Variants in VPS13B observed in about 807,000 individuals in gnomAD.
The protein encoded by VPS13B is intermembrane lipid transfer protein VPS13B.
In VPS13B, 285 loss-of-function variants were observed where a neutral mutation model predicts 426.4. That is an observed-to-expected ratio of 0.67 (90% confidence interval 0.61 to 0.74). VPS13B has a LOEUF of 0.74. VPS13B is among the 30% of genes least tolerant of loss of function. VPS13B has a pLI of 0.00. For missense variants in VPS13B, 4,537 were observed against 4,782.6 expected, an observed-to-expected ratio of 0.95 and a Z score of 1.51; for synonymous variants, 1,676 against 1,676.4, an observed-to-expected ratio of 1.00 and a Z score of 0.01.
At chr8:99,300,178 G>A (rs1404944536) in intron 19 of VPS13B, among the ~76,000 whole-genome samples, 4 of 152,084 alleles carry the variant, frequency 2.6e-5, no homozygotes. Flanking sequence ...TACACCAGGG[G>A]TGAGCACAAC....
chr8:99,501,049 A>G (rs1258354017), intron 25 of VPS13B, among the ~76,000 whole-genome samples: 2 of 152,184 alleles, frequency 1.3e-5, no homozygotes, highest in African/African-American at 4.8e-5. Context: ...ACCATATAAG[A>G]CACTTAAAAA....
At chr8:99,476,880 A>T (rs935557802) in intron 24 of VPS13B, among the ~76,000 whole-genome samples, 2 of 152,180 alleles carry the variant, frequency 1.3e-5, no homozygotes, top group Non-Finnish European at 2.9e-5. Context: ...TCAAATGTTT[A>T]TTGGCCATTG....
intron 30 of VPS13B, among the ~76,000 whole-genome samples, chr8:99,525,219 A>C (rs553134899): frequency 5.1e-4 from 78 of 152,338 alleles, no homozygotes; most frequent in African/African-American, 1.8e-3. Context: ...ATTAAAAATA[A>C]TACTTAGACA....
At chr8:99,036,652 A>T (rs1842761929) in intron 2 of VPS13B, among the ~76,000 whole-genome samples, 1 of 152,142 alleles carries the variant, frequency 6.6e-6, no homozygotes, top group South Asian at 2.1e-4. Context: ...GATGATACTA[A>T]GTTCTTGAGT....
At chr8:99,113,015 T>A (rs549632971) in intron 6 of VPS13B, among the ~76,000 whole-genome samples, 14 of 152,126 alleles carry the variant, frequency 9.2e-5, no homozygotes, top group African/African-American at 3.1e-4. Context: ...TTTTCTCTCT[T>A]TCTTTTTTCT....
intron 43 of VPS13B, among the ~76,000 whole-genome samples, chr8:99,789,561 C>T (rs1271487956): frequency 6.6e-6 from 1 of 152,078 alleles, no homozygotes; most frequent in African/African-American, 2.4e-5. Flanking sequence ...CAGTAAGTCT[C>T]CCAGTAGTAA....
chr8:99,604,803 A>G (rs751410970), intron 33 of VPS13B, among the ~76,000 whole-genome samples: 14 of 152,128 alleles, frequency 9.2e-5, no homozygotes, highest in Non-Finnish European at 1.6e-4. Context: ...GGTTTTTAGC[A>G]GTACTGCTCA....
chr8:99,423,009 T>C (rs1816459846), intron 21 of VPS13B, among the ~76,000 whole-genome samples: 1 of 152,218 alleles, frequency 6.6e-6, no homozygotes, highest in Non-Finnish European at 1.5e-5. Flanking sequence ...ACCTCATCCT[T>C]AAATGGTTTA....
chr8:99,439,746 CA>C (rs1407089209), intron 22 of VPS13B, among the ~76,000 whole-genome samples: 31 of 152,010 alleles, frequency 2.0e-4, no homozygotes, highest in Admixed American at 2.0e-3. Flanking sequence ...ATATGATGGG[CA>C]GTGGCTAATT....
intron 39 of VPS13B, among the ~76,000 whole-genome samples, chr8:99,760,854 A>G (rs936287073): frequency 1.3e-5 from 2 of 152,218 alleles, no homozygotes; most frequent in Admixed American, 6.5e-5. Context: ...ACAACTATTT[A>G]CATAGTATTT....
chr8:99,161,281 T>C (rs1811635406), intron 15 of VPS13B, among the ~76,000 whole-genome samples: 1 of 152,208 alleles, frequency 6.6e-6, no homozygotes, highest in Admixed American at 6.5e-5. Flanking sequence ...TTTTTTCATG[T>C]CAATAATATA....
rs1337542021 is a variant in VPS13B, at chr8:99,819,522, T to A, written c.8732T>A (p.Phe2911Tyr). Residue 2911 changes from phenylalanine (F) to tyrosine (Y), a missense_variant, in exon 48 of 62, where the codon TTC becomes TAC. Around this residue, in one of 2 missense-constraint regions of VPS13B, gnomAD observed 4,311 missense variants for 4,474.3 expected, o/e 0.96. Transcript: ENST00000357162. ...ACAGTTAATCAGATCCTTGACGAAT[T>A]CTATGGGCCAGAAAAGTCGCTTCAA... ...GGTVNQILDEFYGPEKSLQPI... is the reference protein window; with the variant it reads ...GGTVNQILDEYYGPEKSLQPI... 1 of 1,613,880 alleles carries A rather than the reference T, an allele frequency of 6.2e-7. No homozygotes were observed. The highest frequency in any genetic ancestry group is 1.1e-5 in the South Asian group (1 of 91,070).
intron 21 of VPS13B, among the ~76,000 whole-genome samples, chr8:99,395,896 A>G (rs1309021284): frequency 6.6e-6 from 1 of 152,190 alleles, no homozygotes; most frequent in African/African-American, 2.4e-5. Context: ...AGAGAAATTG[A>G]AAATATATAA....
Position 99,835,600 on chromosome 8 carries a change from G to C in VPS13B, c.9804G>C (p.Glu3268Asp). The change falls in exon 54 of 62, where the codon GAG becomes GAC. Residue 3268 changes from glutamate to aspartate, a missense_variant. Glu to Asp is a conservative substitution (Grantham distance 45). Around this residue, in one of 2 missense-constraint regions of VPS13B, gnomAD observed 4,311 missense variants for 4,474.3 expected, o/e 0.96. Coordinates refer to ENST00000357162, the MANE Select transcript of VPS13B (RefSeq NM_152564.5). The stretch of plus-strand genomic sequence containing the variant: ...CCTCCGAGTGCTCAATTCATCATGA[G>C]CTGTATCATCAGATTTCCAGTTATC... ...KIPSECSIHH[E>D]LYHQISSYPD... The C allele has an allele frequency of 1.2e-6, 2 of 1,613,996 alleles. No individual in the cohort carries two copies. The highest frequency in any genetic ancestry group is 4.5e-5 in the East Asian group (2 of 44,890).
intron 19 of VPS13B, among the ~76,000 whole-genome samples, chr8:99,311,947 G>T (rs921914432): frequency 6.6e-6 from 1 of 152,136 alleles, no homozygotes; most frequent in Admixed American, 6.5e-5. Context: ...TCTCGATTTT[G>T]ATCTTTGTTG....
chr8:99,242,216 C>G (rs1395646315), intron 17 of VPS13B, among the ~76,000 whole-genome samples: 1 of 152,178 alleles, frequency 6.6e-6, no homozygotes, highest in Non-Finnish European at 1.5e-5. Flanking sequence ...CTCCTGACCT[C>G]AGGTAATCCA....
chr8:99,291,104 A>G lies in VPS13B; in HGVS notation c.2824+15850A>G, dbSNP rs908924154. On this transcript the variant is annotated intron_variant, in intron 19 of 61. Transcript: ENST00000357162. ...GTTAGGAATATGTTGCAGTGAAAAA[A>G]TGCTAATGTCAATGGAGAGAATTAC... Among the ~76,000 whole-genome samples the G allele has an allele frequency of 3.9e-5, 6 of 152,216 alleles. No homozygotes were observed. In the East Asian group the frequency reaches 7.7e-4, roughly 20 times the overall value.
intron 17 of VPS13B, chr8:99,234,361 G>T (rs2132866169): frequency 1.4e-6 from 1 of 737,232 alleles, no homozygotes; most frequent in Admixed American, 1.7e-5. Flanking sequence ...CCCACTGCAG[G>T]TGAGGAGGTA....
intron 15 of VPS13B, among the ~76,000 whole-genome samples, chr8:99,165,483 C>T (rs1429972039): frequency 6.6e-6 from 1 of 152,138 alleles, no homozygotes; most frequent in Non-Finnish European, 1.5e-5. Context: ...GGTAATGTGA[C>T]TGCGTTGTGT....
Sources: gnomAD v4.1 joint callset for allele counts (sites outside exome capture counted in the v4.1 genomes callset) on GRCh38, gnomAD v4.1.1 for gene constraint, gnomAD v4.1.1 regional missense constraint, MANE v1.5 for transcripts, NCBI Gene and HGNC (gene_info 2026-07-23, HGNC 2026-07-21) for gene names.